Variants in SEMA6D observed in about 807,000 individuals in gnomAD.
SEMA6D encodes the protein semaphorin-6D.
SEMA6D carries 35 observed loss-of-function variants against 106.6 expected under a neutral mutation model. The observed-to-expected ratio is 0.33, with a 90% confidence interval of 0.25 to 0.44. The LOEUF is 0.44. SEMA6D is among the 20% of genes least tolerant of loss of function. SEMA6D has a pLI of 1.00. For synonymous variants in SEMA6D, 499 were observed against 487.7 expected (o/e 1.02, Z -0.31); for missense variants, 1,185 against 1,345.9 (o/e 0.88, Z 1.87).
intron 3 of SEMA6D, among the ~76,000 whole-genome samples, chr15:47,542,178 C>G (rs1288214435): frequency 6.6e-6 from 1 of 152,100 alleles, no homozygotes; most frequent in African/African-American, 2.4e-5. Context: ...ATCCTATTTT[C>G]CTCTGACTTC....
chr15:47,653,405 C>T (rs1330823332), intron 4 of SEMA6D, among the ~76,000 whole-genome samples: 1 of 152,200 alleles, frequency 6.6e-6, no homozygotes, highest in Non-Finnish European at 1.5e-5. Flanking sequence ...TGCTCATTCC[C>T]TAATACTCAC....
intron 1 of SEMA6D, among the ~76,000 whole-genome samples, chr15:47,279,911 C>G (rs2035028375): frequency 6.6e-6 from 1 of 150,684 alleles, no homozygotes; most frequent in African/African-American, 2.4e-5. Context: ...TTTTGATGTG[C>G]TACTGGATTC....
intron 4 of SEMA6D, among the ~76,000 whole-genome samples, chr15:47,613,821 AT>A: frequency 6.6e-6 from 1 of 151,858 alleles, no homozygotes; most frequent in South Asian, 2.1e-4. Flanking sequence ...CGCCCAGCTA[AT>A]TTTTTTATAC....
chr15:47,764,064 A>G lies in SEMA6D; in HGVS notation c.962A>G (p.Asn321Ser). 1.2e-6 allele frequency: 2 copies of G among 1,613,834 alleles called. No individual in the cohort carries two copies. The highest frequency in any genetic ancestry group is 1.7e-6 in the Non-Finnish European group (2 of 1,179,818). Residue 321 changes from asparagine (N) to serine (S), a missense_variant, in exon 10 of 19, where the codon AAT (asparagine) becomes AGT (serine). Coordinates refer to ENST00000536845, the MANE Select transcript of SEMA6D (RefSeq NM_001358351.3). ...GTCGGGGTGTTTACCACGCAGCTCA[A>G]TAGGTGAGAGCAGAACCCCGGCACT... The part of the protein sequence containing the change: ...TVVGVFTTQL[N>S]SIPGSAVCAF...
chr15:47,411,029 G>T (rs1360302599), intron 1 of SEMA6D, among the ~76,000 whole-genome samples: 2 of 152,004 alleles, frequency 1.3e-5, no homozygotes, highest in African/African-American at 4.8e-5. Context: ...GGTGGACACG[G>T]TGTAGGGTAT....
chr15:47,699,681 T>C lies in SEMA6D; in HGVS notation c.-54-60064T>C, dbSNP rs553097735. Reference sequence around the variant, plus strand: ...CATTGCAAAGGAAGGGGAATATTTGTGGGAGAAAAGAAAACAAAAGAAAAG... The same window carrying C: ...CATTGCAAAGGAAGGGGAATATTTGCGGGAGAAAAGAAAACAAAAGAAAAG... On this transcript the variant is annotated intron_variant, in intron 4 of 19. Transcript: ENST00000558014. 3.9e-5 allele frequency among the ~76,000 whole-genome samples: 6 copies of C among 152,260 alleles called. No individual in the cohort carries two copies. The East Asian group carries it at 9.6e-4, about 24-fold the overall frequency.
intron 3 of SEMA6D, among the ~76,000 whole-genome samples, chr15:47,568,277 A>T (rs1456374951): frequency 2.0e-5 from 3 of 151,950 alleles, no homozygotes; most frequent in Non-Finnish European, 4.4e-5. Context: ...TATTTCAGTT[A>T]TGGCTATGAT....
intron 1 of SEMA6D, among the ~76,000 whole-genome samples, chr15:47,753,284 A>G (rs970040832): frequency 6.6e-6 from 1 of 152,214 alleles, no homozygotes; most frequent in African/African-American, 2.4e-5. Flanking sequence ...GATGACAAAG[A>G]ATTCTGTTAC....
chr15:47,350,292 G>T (rs1313186497), intron 1 of SEMA6D, among the ~76,000 whole-genome samples: 2 of 148,458 alleles, frequency 1.3e-5, no homozygotes, highest in African/African-American at 4.9e-5. Flanking sequence ...ATAGGGGCTT[G>T]CATACATCAG....
At chr15:47,215,975 T>A (rs1332467965) in intron 1 of SEMA6D, among the ~76,000 whole-genome samples, 1 of 152,182 alleles carries the variant, frequency 6.6e-6, no homozygotes, top group African/African-American at 2.4e-5. Context: ...ATCAGACAAC[T>A]GGCATTTTCC....
At chr15:47,249,044 A>G (rs1364531710) in intron 1 of SEMA6D, among the ~76,000 whole-genome samples, 1 of 152,160 alleles carries the variant, frequency 6.6e-6, no homozygotes, top group African/African-American at 2.4e-5. Context: ...CCTGACCAAC[A>G]TGATGAAACC....
chr15:47,664,882 A>C (rs555796425), intron 4 of SEMA6D, among the ~76,000 whole-genome samples: 1 of 152,306 alleles, frequency 6.6e-6, no homozygotes, highest in South Asian at 2.1e-4. Context: ...GCAGGTAGGC[A>C]AATGCTGGGC....
intron 2 of SEMA6D, among the ~76,000 whole-genome samples, chr15:47,431,666 A>C (rs775841935): frequency 6.6e-6 from 1 of 152,100 alleles, no homozygotes; most frequent in Non-Finnish European, 1.5e-5. Context: ...TGTGCATATG[A>C]GTGAATCAGG....
At chr15:47,272,612 C>T (rs1253165537) in intron 1 of SEMA6D, 6 of 152,454 alleles carry the variant, frequency 3.9e-5, no homozygotes, top group African/African-American at 9.7e-5. Flanking sequence ...TGAGGGTGAT[C>T]TGGCTGCGAC....
chr15:47,436,856 C>G (rs532926669), intron 2 of SEMA6D, among the ~76,000 whole-genome samples: 102 of 149,802 alleles, frequency 6.8e-4, no homozygotes, highest in African/African-American at 2.4e-3. Context: ...ATCACTTAAA[C>G]CCAGAAGGTT....
intron 3 of SEMA6D, among the ~76,000 whole-genome samples, chr15:47,588,564 A>G (rs1029845282): frequency 6.6e-6 from 1 of 152,130 alleles, no homozygotes; most frequent in African/African-American, 2.4e-5. Context: ...TGAAACCACA[A>G]ATCACGAATT....
intron 3 of SEMA6D, among the ~76,000 whole-genome samples, chr15:47,540,421 C>T (rs935896936): frequency 1.3e-5 from 2 of 151,736 alleles, no homozygotes; most frequent in African/African-American, 2.4e-5. Flanking sequence ...AAAGTTACTT[C>T]GTTAACTTGT....
chr15:47,691,457 G>A (rs2078584454), intron 4 of SEMA6D, among the ~76,000 whole-genome samples: 1 of 152,156 alleles, frequency 6.6e-6, no homozygotes, highest in African/African-American at 2.4e-5. Context: ...TTAGTCTCAT[G>A]ATGAAATGAG....
chr15:47,476,307 C>T (rs557021147), intron 3 of SEMA6D, among the ~76,000 whole-genome samples: 84 of 152,210 alleles, frequency 5.5e-4, no homozygotes, highest in African/African-American at 2.0e-3. Context: ...TTAAAGAGTT[C>T]ATTTAAGAAT....
Sources: gnomAD v4.1 joint callset for allele counts (sites outside exome capture counted in the v4.1 genomes callset) on GRCh38, gnomAD v4.1.1 for gene constraint, MANE v1.5 for transcripts, NCBI Gene and HGNC (gene_info 2026-07-23, HGNC 2026-07-21) for gene names.